The following AHNAK2 variants were observed in gnomAD, a reference collection of about 807,000 sequenced individuals.
The protein encoded by AHNAK2 is AHNAK nucleoprotein 2.
Under a neutral mutation model 30.7 loss-of-function variants are expected in AHNAK2, and 18 were observed. The observed-to-expected ratio is 0.59, with a 90% CI of 0.41 to 0.87. The LOEUF (loss-of-function observed/expected upper bound fraction) is 0.87, where lower values mean the gene tolerates loss of function less well. Among genes scored for constraint, AHNAK2 ranks in the 40% least tolerant of loss-of-function variants. The pLI, the probability that AHNAK2 is intolerant of heterozygous loss-of-function variation, is 0.00. For missense variants in AHNAK2, 8,604 were observed against 7,373.0 expected (o/e 1.17, Z -6.11); for synonymous variants, 3,590 against 3,073.8 (o/e 1.17, Z -5.56).
Position 104,947,674 on chromosome 14 carries a change from G to T in AHNAK2, c.7777C>A (p.Leu2593Met), listed in dbSNP as rs776399984. The T allele has an allele frequency of 6.2e-7, 1 of 1,612,460 alleles. No individual in the cohort carries two copies. The highest frequency in any genetic ancestry group is 2.2e-5 in the East Asian group (1 of 44,690). Reference sequence around the variant, plus strand: ...TCCGCCTTGGGGCCTTTCAGGTCCAGCTTGGGGCCCTTGACATCTAGCTGG... The same window carrying T: ...TCCGCCTTGGGGCCTTTCAGGTCCATCTTGGGGCCCTTGACATCTAGCTGG... ...GPQLDVKGPK[L>M]DLKGPKAEVT... The change falls in exon 7 of 7, where the codon CTG (leucine) becomes ATG (methionine). Residue 2593 changes from leucine (L) to methionine (M), a missense_variant. Transcript: ENST00000333244.
chr14:104,948,059 C>CTG lies in AHNAK2; in HGVS notation c.7391_7392insCA (p.Trp2464CysfsTer14). 1.2e-6 allele frequency: 2 copies of CTG among 1,613,056 alleles called. No homozygotes were observed. The highest frequency in any genetic ancestry group is 1.7e-6 in the Non-Finnish European group (2 of 1,179,710). On this transcript the variant is annotated frameshift_variant, in exon 7 of 7. Coordinates refer to ENST00000333244, the MANE Select transcript of AHNAK2 (RefSeq NM_138420.4). LOFTEE classifies it low-confidence loss of function (END_TRUNC). ...CCGCCACAGACAGGTCCCCCTCCAG[C>CTG]CACGCACCATCCAGCTTGGCTCCCG...
At chr14:104,976,158 T>C (rs922118297) in intron 1 of AHNAK2, among the ~76,000 whole-genome samples, 5 of 152,138 alleles carry the variant, frequency 3.3e-5, no homozygotes, top group Admixed American at 6.5e-5. Context: ...GGCCCAGCTC[T>C]GCCCCTGGGA....
intron 1 of AHNAK2, among the ~76,000 whole-genome samples, chr14:104,975,267 G>A (rs1414349047): frequency 2.6e-5 from 4 of 152,208 alleles, no homozygotes; most frequent in Non-Finnish European, 5.9e-5. Flanking sequence ...GTCCACTTCT[G>A]AGCCTCACCC....
rs114878502 is a variant in AHNAK2 at position 104,970,805 on chromosome 14, G to A, written c.55+7378C>T. 1.7e-3 allele frequency among the ~76,000 whole-genome samples: 266 copies of A among 152,298 alleles called. 1 individual carries two copies. Among genetic ancestry groups the A allele is most frequent in the African/African-American group, 6.1e-3 (253 of 41,568 alleles). On this transcript the variant is annotated intron_variant, in intron 1 of 6. Transcript: ENST00000333244. ...CAGTCTGGTGAGTGCCTTAGTGTGC[G>A]CCAGGTCCTGCTGTGTGGACAGACA...
chr14:104,950,388 A>C lies in AHNAK2; in HGVS notation c.5063T>G (p.Val1688Gly), dbSNP rs775652679. 1 of 1,585,430 alleles carries C rather than the reference A, an allele frequency of 6.3e-7. No homozygotes were observed. The highest frequency in any genetic ancestry group is 8.6e-7 in the Non-Finnish European group (1 of 1,162,558). Residue 1688 changes from valine (V) to glycine (G), a missense_variant, in exon 7 of 7, where the codon GTG becomes GGG. By Grantham distance (109) the Val-to-Gly change is moderately radical (BLOSUM62 -3). Transcript: ENST00000333244. ...EASVDVSEPK[V>G]EADVSLPSMQ... ...GGAGGGGAGGCTCACATCAGCTTCC[A>C]CCTTCGGCTCAGACACATCCACCGA...
chr14:104,970,351 A>G, intron 1 of AHNAK2: 2 of 911,136 alleles, frequency 2.2e-6, no homozygotes, highest in Non-Finnish European at 2.6e-6. Flanking sequence ...TGCCTAGCCC[A>G]GCTCTGTTCC....
chr14:104,962,644 C>T (rs530923393), intron 1 of AHNAK2, among the ~76,000 whole-genome samples: 1 of 152,146 alleles, frequency 6.6e-6, no homozygotes, highest in East Asian at 1.9e-4. Context: ...CCATGTTGCC[C>T]AGGCTGGTCT....
rs747666439 is a variant in AHNAK2 at position 104,942,789 on chromosome 14, A to G, written c.12662T>C (p.Met4221Thr). The G allele has an allele frequency of 1.2e-6, 2 of 1,612,774 alleles. No individual in the cohort carries two copies. The highest frequency in any genetic ancestry group is 1.7e-6 in the Non-Finnish European group (2 of 1,179,542). The change falls in exon 7 of 7, where the codon ATG becomes ACG. Residue 4221 changes from methionine to threonine, a missense_variant. Met to Thr is a moderately conservative substitution (Grantham distance 81, BLOSUM62 -1). Coordinates refer to ENST00000333244, the MANE Select transcript of AHNAK2 (RefSeq NM_138420.4). ...CACTTTGGGCATCTTCAAACAGGGC[A>G]TCTGCACCTTGGGGAGGTGCCCTTT... is the stretch of plus-strand genomic sequence containing the variant. Reference protein sequence around the residue: ...GLKGHLPKVQMPCLKMPKVAL... With the variant: ...GLKGHLPKVQTPCLKMPKVAL...
rs552169427 is a variant in AHNAK2 at position 104,948,945 on chromosome 14, C to T, written c.6506G>A (p.Gly2169Asp). 2.9e-5 allele frequency: 38 copies of T among 1,290,522 alleles called. 2 individuals carry two copies. The African/African-American group carries it at 4.5e-4, about 15-fold the overall frequency. 79.9% of individuals were successfully genotyped at this position (1,290,522 alleles called of 1,614,324 possible). ...KMPSFGVSAP[G>D]KSIEASVDVS... ...ATCCACCGAGGCCTCGATGGACTTG[C>T]CTGGGGCAGACACCCCAAACGACGG... Residue 2169 changes from glycine (G) to aspartate (D), a missense_variant, in exon 7 of 7, where the codon GGC (glycine) becomes GAC (aspartate). Gly to Asp is a moderately conservative substitution (Grantham distance 94). Coordinates refer to ENST00000333244, the MANE Select transcript of AHNAK2 (RefSeq NM_138420.4).
chr14:104,946,312 G>A lies in AHNAK2; in HGVS notation c.9139C>T (p.Pro3047Ser). The change falls in exon 7 of 7, where the codon CCA becomes TCA. Residue 3047 changes from proline (P) to serine (S), a missense_variant. Coordinates refer to ENST00000333244, the MANE Select transcript of AHNAK2 (RefSeq NM_138420.4). ...VQAGQVDLKLPEGHVPEGAGL... is the reference protein window; with the variant it reads ...VQAGQVDLKLSEGHVPEGAGL... ...GCTCCCTCGGGAACGTGGCCCTCTG[G>A]GAGCTTCAGGTCCACCTGGCCAGCC... is the stretch of plus-strand genomic sequence containing the variant. The A allele has an allele frequency of 1.2e-6, 2 of 1,612,038 alleles. No homozygotes were observed. The highest frequency in any genetic ancestry group is 1.7e-6 in the Non-Finnish European group (2 of 1,179,366).
At position 104,949,527 on chromosome 14, in the gene AHNAK2, G is replaced by C; in HGVS notation, c.5924C>G (p.Ser1975Cys). The C allele has an allele frequency of 6.3e-7, 1 of 1,588,284 alleles. No individual in the cohort carries two copies. Among genetic ancestry groups the C allele is most frequent in the African/African-American group, 1.4e-5 (1 of 73,180 alleles). ...GGCAGTCATGTCCTTGTCGGCCAGG[G>C]ACAGGTCTCCCTCCAGCCGCGCACC... The part of the protein sequence containing the change: ...LDGARLEGDL[S>C]LADKDMTAKD... Residue 1975 changes from serine to cysteine, a missense_variant, in exon 7 of 7, where the codon TCC becomes TGC. Coordinates refer to ENST00000333244, the MANE Select transcript of AHNAK2 (RefSeq NM_138420.4).
At position 104,955,230 on chromosome 14, in the gene AHNAK2, G is replaced by A. The variant is rs531241376; in HGVS notation, c.467-89C>T. On this transcript the variant is annotated intron_variant, in intron 5 of 6. Coordinates refer to ENST00000333244, the MANE Select transcript of AHNAK2 (RefSeq NM_138420.4). ...CTTGGCTGGCGAGGAGGGTCCCGGG[G>A]ACATGAATAGGGGGAATCCCACTGA... The A allele has an allele frequency of 5.8e-4, 843 of 1,443,858 alleles. 6 individuals carry two copies. The African/African-American group carries it at 0.01, about 18-fold the overall frequency. 89.4% of individuals were successfully genotyped at this position (1,443,858 alleles called of 1,614,324 possible). A position where few individuals can be genotyped will look rare whatever the true frequency, so the allele number is the denominator to read the frequency against.
In AHNAK2 at chr14:104,943,920, C is replaced by T. The variant is rs1449127348; in HGVS notation, c.11531G>A (p.Gly3844Glu). The T allele has an allele frequency of 1.2e-6, 2 of 1,613,072 alleles. No homozygotes were observed. The highest frequency in any genetic ancestry group is 1.7e-6 in the Non-Finnish European group (2 of 1,179,552). Reference protein sequence around the residue: ...EADVSLPSMQGDLKTTDLSIQ... With the variant: ...EADVSLPSMQEDLKTTDLSIQ... ...GCTGAGGTCAGTGGTCTTGAGGTCC[C>T]CCTGCATGGAGGGGAGACTCACATC... The change falls in exon 7 of 7, where the codon GGG becomes GAG. Residue 3844 changes from glycine (G) to glutamate (E), a missense_variant. Physicochemically the swap from Gly to Glu is moderately conservative, Grantham distance 98 (BLOSUM62 -2). Coordinates refer to ENST00000333244, the MANE Select transcript of AHNAK2 (RefSeq NM_138420.4).
At position 104,942,980 on chromosome 14, in the gene AHNAK2, A is replaced by G. The variant is rs1411729766; in HGVS notation, c.12471T>C (p.Asp4157=). ...APGKSMEASV[D]VSELKAKADV... is the part of the protein sequence containing the mutation. ...CGGCTTTCGCCTTCAGCTCAGACACATCCACGGACGCCTCCATGGACTTGC... is the reference window on the plus strand; with the variant it reads ...CGGCTTTCGCCTTCAGCTCAGACACGTCCACGGACGCCTCCATGGACTTGC... The change falls in exon 7 of 7, where the codon GAT becomes GAC. Residue 4157 remains aspartate (D), a synonymous_variant. Coordinates refer to ENST00000333244, the MANE Select transcript of AHNAK2 (RefSeq NM_138420.4). The G allele has an allele frequency of 6.2e-7, 1 of 1,612,932 alleles. No individual in the cohort carries two copies.
In AHNAK2 at chr14:104,957,591, C is replaced by G. The variant is rs757346880; in HGVS notation, c.114+23G>C. The G allele has an allele frequency of 6.2e-6, 10 of 1,607,278 alleles. No individual in the cohort carries two copies. The Admixed American group carries it at 1.7e-4, about 27-fold the overall frequency. On this transcript the variant is annotated intron_variant, in intron 2 of 6. Transcript: ENST00000333244. ...ATGGGGGCAGGGTATGAGGAGGACACACTTCCTCCTGCTCTCACTTACAGA... is the reference window on the plus strand; with the variant it reads ...ATGGGGGCAGGGTATGAGGAGGACAGACTTCCTCCTGCTCTCACTTACAGA...
chr14:104,965,449 T>C (rs1169717340), intron 1 of AHNAK2, among the ~76,000 whole-genome samples: 1 of 129,542 alleles, frequency 7.7e-6, no homozygotes, highest in Admixed American at 7.5e-5. Context: ...AAAAATCAAA[T>C]CCCTTATTTA....
intron 1 of AHNAK2, among the ~76,000 whole-genome samples, chr14:104,963,561 T>C (rs926699961): frequency 2.0e-5 from 3 of 152,166 alleles, no homozygotes; most frequent in Non-Finnish European, 2.9e-5. Flanking sequence ...CCAGGCGCGG[T>C]GGCTCACGCC....
At chr14:104,956,760 G>A (rs1329811559) in intron 3 of AHNAK2, 71 bp from the exon 4 acceptor site, 5 of 1,467,806 alleles carry the variant, frequency 3.4e-6, no homozygotes, top group Non-Finnish European at 4.7e-6. Flanking sequence ...AGGTAGGCTG[G>A]TGCCAGACCA....
At position 104,954,189 on chromosome 14, in the gene AHNAK2, C is replaced by T; in HGVS notation, c.1262G>A (p.Gly421Glu). 6.2e-7 allele frequency: 1 copy of T among 1,610,340 alleles called. No homozygotes were observed. Among genetic ancestry groups the T allele is most frequent in the Non-Finnish European group, 8.5e-7 (1 of 1,179,764 alleles). Residue 421 changes from glycine to glutamate, a missense_variant, in exon 7 of 7, where the codon GGA becomes GAA. Physicochemically the swap from Gly to Glu is moderately conservative, Grantham distance 98. Coordinates refer to ENST00000333244, the MANE Select transcript of AHNAK2 (RefSeq NM_138420.4). The surrounding 1 kb of genome is among the most constrained non-coding windows in gnomAD (Gnocchi z 4.3). ...EGGLRAARLH[G>E]KTLEGQAQET... Reference sequence around the variant, plus strand: ...CTGTGCCTGCCCCTCCAGGGTCTTTCCATGGAGCCTGGCTGCCCTGAGTCC... The same window carrying T: ...CTGTGCCTGCCCCTCCAGGGTCTTTTCATGGAGCCTGGCTGCCCTGAGTCC...
Sources: gnomAD v4.1 joint callset for allele counts (sites outside exome capture counted in the v4.1 genomes callset) on GRCh38, gnomAD v4.1.1 for gene constraint, Gnocchi (gnomAD v3.1) non-coding constraint, MANE v1.5 for transcripts, NCBI Gene and HGNC (gene_info 2026-07-23, HGNC 2026-07-21) for gene names.